Variants in AGPAT3 observed in about 807,000 individuals in gnomAD.
AGPAT3 encodes 1-acylglycerol-3-phosphate O-acyltransferase 3.
Under a neutral mutation model 47.3 loss-of-function variants are expected in AGPAT3, and 5 were observed. That is an observed-to-expected ratio of 0.11 (90% CI 0.06 to 0.22). The LOEUF (loss-of-function observed/expected upper bound fraction) is 0.22. Ranked by LOEUF, AGPAT3 falls within the 10% of genes least tolerant of loss-of-function variation. AGPAT3 has a pLI of 1.00. For synonymous variants in AGPAT3, 212 were observed against 208.3 expected (o/e 1.02, Z -0.15); for missense variants, 315 against 493.0 (o/e 0.64, Z 3.42).
intron 1 of AGPAT3, among the ~76,000 whole-genome samples, chr21:43,898,958 C>T (rs994408628): frequency 6.6e-6 from 1 of 152,056 alleles, no homozygotes; most frequent in African/African-American, 2.4e-5. Flanking sequence ...TCAAGTGATC[C>T]TTGTGCCTTG....
chr21:43,975,338 T>C (rs1213556432), intron 7 of AGPAT3, among the ~76,000 whole-genome samples: 1 of 142,676 alleles, frequency 7.0e-6, no homozygotes, highest in African/African-American at 2.6e-5. Flanking sequence ...GCGTGTGGTA[T>C]GTTCTGGTGT....
intron 2 of AGPAT3, among the ~76,000 whole-genome samples, chr21:43,918,588 CT>C (rs35297249): frequency 0.69 from 89,641 of 130,216 alleles, 29,924 homozygotes; most frequent in South Asian, 0.78. Flanking sequence ...AGACTGCTGG[CT>C]TTTTTTTTTT....
chr21:43,928,096 G>A (rs557395868), intron 2 of AGPAT3, among the ~76,000 whole-genome samples: 10 of 152,326 alleles, frequency 6.6e-5, no homozygotes, highest in African/African-American at 2.4e-4. Flanking sequence ...CGCAGCTCCC[G>A]GACGCAGCAG....
intron 1 of AGPAT3, among the ~76,000 whole-genome samples, chr21:43,903,624 G>A (rs1221644611): frequency 6.6e-6 from 1 of 152,208 alleles, no homozygotes; most frequent in African/African-American, 2.4e-5. Context: ...TGGTGGCCCC[G>A]CCTTTCCAAG....
intron 2 of AGPAT3, among the ~76,000 whole-genome samples, chr21:43,915,135 T>C (rs1013207595): frequency 1.3e-5 from 2 of 152,112 alleles, no homozygotes; most frequent in African/African-American, 4.8e-5. Context: ...CTTGGCTCAC[T>C]GCAACCTCCA....
At chr21:43,887,363 G>A (rs1250253002) in intron 1 of AGPAT3, among the ~76,000 whole-genome samples, 1 of 152,200 alleles carries the variant, frequency 6.6e-6, no homozygotes, top group Non-Finnish European at 1.5e-5. Context: ...GGTTGAAACA[G>A]CAACTATCTC....
Position 43,956,857 on chromosome 21 carries a change from G to A in AGPAT3, c.-48-2777G>A, listed in dbSNP as rs558058735. Among the ~76,000 whole-genome samples, 16 of 152,366 alleles carry A rather than the reference G, an allele frequency of 1.1e-4. No homozygotes were observed. The East Asian group carries it at 2.9e-3, about 28-fold the overall frequency. On this transcript the variant is annotated intron_variant, in intron 2 of 9. Coordinates refer to ENST00000291572, the MANE Select transcript of AGPAT3 (RefSeq NM_020132.5). ...GCCATCCTGGGAGCAGAGCCAGGCA[G>A]AAACTGTCCTTTTTGTGACCTAGCC... is the stretch of plus-strand genomic sequence containing the variant.
chr21:43,877,507 A>T (rs919309953), intron 1 of AGPAT3, among the ~76,000 whole-genome samples: 1 of 151,648 alleles, frequency 6.6e-6, no homozygotes, highest in African/African-American at 2.4e-5. Flanking sequence ...CAATGGTGCC[A>T]TGTTGGCTCA....
intron 2 of AGPAT3, among the ~76,000 whole-genome samples, chr21:43,959,429 G>C (rs1601425432): frequency 7.0e-6 from 1 of 143,502 alleles, no homozygotes; most frequent in Non-Finnish European, 1.5e-5. Flanking sequence ...GTGGTGTGTG[G>C]CGTGTGTGTG....
At chr21:43,941,783 G>A (rs886222037) in intron 2 of AGPAT3, among the ~76,000 whole-genome samples, 2 of 152,274 alleles carry the variant, frequency 1.3e-5, no homozygotes, top group Non-Finnish European at 2.9e-5. Context: ...CGTTCCTGGC[G>A]CCTGGGCGGA....
chr21:43,943,830 G>T (rs1189288514), intron 2 of AGPAT3, among the ~76,000 whole-genome samples: 2 of 152,234 alleles, frequency 1.3e-5, no homozygotes, highest in Non-Finnish European at 2.9e-5. Flanking sequence ...AGCGTTTTCA[G>T]CAAGGTCAGA....
At position 43,986,298 on chromosome 21, in the gene AGPAT3, GC is replaced by G. The variant is rs2030292451; in HGVS notation, c.*3909del. 6.6e-6 allele frequency: 1 copy of G among 152,264 alleles called. No individual in the cohort carries two copies. The highest frequency in any genetic ancestry group is 1.5e-5 in the Non-Finnish European group (1 of 68,044). 9.4% of individuals were successfully genotyped at this position (152,264 alleles called of 1,614,324 possible). ...AGAATGACGGGAACACTTTTAGGGA[GC>G]CCAGGAAGTTACCAGGGACATTGGT... On this transcript the variant is annotated 3_prime_UTR_variant, in exon 10 of 10. Transcript: ENST00000291572.
intron 1 of AGPAT3, among the ~76,000 whole-genome samples, chr21:43,893,198 T>G (rs533628576): frequency 6.6e-5 from 10 of 152,242 alleles, no homozygotes; most frequent in Non-Finnish European, 1.5e-4. Context: ...CACCTACTGC[T>G]TCACCTGCAC....
chr21:43,877,654 G>A (rs565588174), intron 1 of AGPAT3, among the ~76,000 whole-genome samples: 8 of 152,116 alleles, frequency 5.3e-5, no homozygotes, highest in Non-Finnish European at 8.8e-5. Context: ...TTGTTGGTCA[G>A]GCTGGCCTTG....
At chr21:43,877,238 A>G (rs2123550390) in intron 1 of AGPAT3, among the ~76,000 whole-genome samples, 1 of 152,310 alleles carries the variant, frequency 6.6e-6, no homozygotes, top group Non-Finnish European at 1.5e-5. Context: ...CCTGTCACCC[A>G]TCCCACCTGA....
At chr21:43,894,850 C>T (rs983382124) in intron 1 of AGPAT3, among the ~76,000 whole-genome samples, 9 of 152,158 alleles carry the variant, frequency 5.9e-5, no homozygotes, top group African/African-American at 2.2e-4. Flanking sequence ...TTTTAAAAGA[C>T]CTGAAGCACT....
chr21:43,966,732 T>G (rs1450585137), intron 3 of AGPAT3: 2 of 152,174 alleles, frequency 1.3e-5, no homozygotes, highest in African/African-American at 4.8e-5. Flanking sequence ...CCTTTATAAA[T>G]AACTGGTATA....
At chr21:43,886,807 A>G (rs1262877320) in intron 1 of AGPAT3, among the ~76,000 whole-genome samples, 1 of 152,170 alleles carries the variant, frequency 6.6e-6, no homozygotes, top group Non-Finnish European at 1.5e-5. Context: ...ATAATACTCC[A>G]TTGTGTATAA....
chr21:43,895,256 C>A, intron 1 of AGPAT3, among the ~76,000 whole-genome samples: 1 of 151,702 alleles, frequency 6.6e-6, no homozygotes, highest in Non-Finnish European at 1.5e-5. Flanking sequence ...AGGTGCATGC[C>A]ACCATGCCCA....
Sources: allele counts gnomAD v4.1 joint callset (sites outside exome capture counted in the v4.1 genomes callset), GRCh38; gene constraint gnomAD v4.1.1; transcripts MANE v1.5; gene names NCBI Gene and HGNC (gene_info 2026-07-23, HGNC 2026-07-21).